Variants in NSL1 observed in about 807,000 individuals in gnomAD.
NSL1 encodes kinetochore-associated protein NSL1 homolog.
A neutral mutation model predicts 25.4 loss-of-function variants in NSL1; 11 were observed. The observed-to-expected ratio is 0.43, with a 90% CI of 0.27 to 0.72. The LOEUF (loss-of-function observed/expected upper bound fraction) is 0.72, where lower values mean the gene tolerates loss of function less well. NSL1 is among the 30% of genes least tolerant of loss of function. NSL1 has a pLI of 0.19. For synonymous variants in NSL1, 118 were observed against 120.6 expected (o/e 0.98, Z 0.14); for missense variants, 330 against 342.7 (o/e 0.96, Z 0.29).
chr1:212,784,350 C>A lies in NSL1; in HGVS notation c.444+13G>T. ...AAAATATACTATAACATTTTAAAGG[C>A]AAATCATCTTACCAGAATTTCTTGT... is the stretch of plus-strand genomic sequence containing the variant. On this transcript the variant is annotated intron_variant, in intron 3 of 5. Transcript: ENST00000366977. 4.5e-6 allele frequency: 7 copies of A among 1,548,134 alleles called. No homozygotes were observed. Among genetic ancestry groups the A allele is most frequent in the Non-Finnish European group, 6.2e-6 (7 of 1,137,688 alleles).
chr1:212,791,364 A>G (rs1272580940), intron 1 of NSL1, among the ~76,000 whole-genome samples, 166 bp downstream of exon 1: 3 of 152,250 alleles, frequency 2.0e-5, no homozygotes, highest in South Asian at 2.1e-4. Context: ...CCCAGCTGAC[A>G]TTAGCATCTA....
intron 4 of NSL1, among the ~76,000 whole-genome samples, chr1:212,768,816 A>T (rs890161912): frequency 6.6e-6 from 1 of 152,188 alleles, no homozygotes; most frequent in Non-Finnish European, 1.5e-5. Flanking sequence ...AGAAATCACC[A>T]CTAAATAGCT....
rs1418780000 is a variant in NSL1, at chr1:212,731,408, C to T, written c.*7000G>A. Reference sequence around the variant, plus strand: ...CCATCTCTAAAACAAATAAACTAGCCGGGCATGGTGGCACACGCCTGTTTT... The same window carrying T: ...CCATCTCTAAAACAAATAAACTAGCTGGGCATGGTGGCACACGCCTGTTTT... On this transcript the variant is annotated 3_prime_UTR_variant, in exon 6 of 6. Coordinates refer to ENST00000366977, the MANE Select transcript of NSL1 (RefSeq NM_015471.4). 1.0e-5 allele frequency: 10 copies of T among 984,736 alleles called. No homozygotes were observed. The highest frequency in any genetic ancestry group is 1.1e-4 in the East Asian group (1 of 8,816). 61.0% of individuals were successfully genotyped at this position (984,736 alleles called of 1,614,324 possible). A position where few individuals can be genotyped will look rare whatever the true frequency, so the allele number is the denominator to read the frequency against.
intron 1 of NSL1, 138 bp downstream of exon 1, chr1:212,791,392 G>A: frequency 2.6e-6 from 2 of 771,664 alleles, no homozygotes; most frequent in Non-Finnish European, 4.4e-6. Flanking sequence ...CTCCTCTAGC[G>A]TTTCTCGAAC....
intron 4 of NSL1, among the ~76,000 whole-genome samples, chr1:212,778,054 T>A (rs1238565401): frequency 1.3e-5 from 2 of 152,182 alleles, no homozygotes; most frequent in South Asian, 4.1e-4. Flanking sequence ...AATGTGAGAT[T>A]ATATTAAGAA....
At position 212,729,199 on chromosome 1, in the gene NSL1, G is replaced by C; in HGVS notation, c.*9209C>G. ...ATTCCACAGAAGTTTCCAAACCCAT[G>C]AGTTTCACTCTCAGGTTCCCTCTAG... is the stretch of plus-strand genomic sequence containing the variant. On this transcript the variant is annotated 3_prime_UTR_variant, in exon 6 of 6. Transcript: ENST00000366977. 4 of 985,422 alleles carry C rather than the reference G, an allele frequency of 4.1e-6. No individual in the cohort carries two copies. The highest frequency in any genetic ancestry group is 4.8e-6 in the Non-Finnish European group (4 of 829,926). 61.0% of individuals were successfully genotyped at this position (985,422 alleles called of 1,614,324 possible). A position where few individuals can be genotyped will look rare whatever the true frequency, so the allele number is the denominator to read the frequency against.
At position 212,784,349 on chromosome 1, in the gene NSL1, G is replaced by T; in HGVS notation, c.444+14C>A. ...TAAAATATACTATAACATTTTAAAG[G>T]CAAATCATCTTACCAGAATTTCTTG... is the stretch of plus-strand genomic sequence containing the variant. On this transcript the variant is annotated intron_variant, in intron 3 of 5. Transcript: ENST00000366977. The T allele has an allele frequency of 6.5e-7, 1 of 1,541,204 alleles. No individual in the cohort carries two copies. Among genetic ancestry groups the T allele is most frequent in the South Asian group, 1.2e-5 (1 of 80,964 alleles).
chr1:212,790,936 A>T (rs908657661), intron 1 of NSL1, among the ~76,000 whole-genome samples: 134 of 150,002 alleles, frequency 8.9e-4, no homozygotes, highest in African/African-American at 2.7e-3. Context: ...AAAAAAAAAT[A>T]AAATAAAATA....
intron 4 of NSL1, chr1:212,781,954 T>C (rs1410824664): frequency 7.2e-6 from 3 of 415,892 alleles, no homozygotes; most frequent in Non-Finnish European, 1.4e-5. Flanking sequence ...AAATTCAATA[T>C]ATTTTTATTT....
chr1:212,784,554 G>C, intron 2 of NSL1, 61 bp from the exon 3 acceptor site: 1 of 1,033,378 alleles, frequency 9.7e-7, no homozygotes, highest in Non-Finnish European at 1.4e-6. Context: ...TTTACATTCT[G>C]TATGGAAATG....
chr1:212,731,861 C>T lies in NSL1; in HGVS notation c.*6547G>A, dbSNP rs758405026. ...CTCACTATCCCTGCCACTCTGGCTG[C>T]TCCAGCTCCATGTCCTGGGACACCC... On this transcript the variant is annotated 3_prime_UTR_variant, in exon 6 of 6. Transcript: ENST00000366977. 1 of 985,300 alleles carries T rather than the reference C, an allele frequency of 1.0e-6. No homozygotes were observed. The highest frequency in any genetic ancestry group is 6.1e-5 in the Admixed American group (1 of 16,272). 61.0% of individuals were successfully genotyped at this position (985,300 alleles called of 1,614,324 possible). A position where few individuals can be genotyped will look rare whatever the true frequency, so the allele number is the denominator to read the frequency against.
chr1:212,786,095 CT>C (rs1208008468), intron 2 of NSL1, among the ~76,000 whole-genome samples: 16 of 145,248 alleles, frequency 1.1e-4, no homozygotes, highest in Middle Eastern at 3.5e-3. Flanking sequence ...TCCTTCTTTT[CT>C]TTCCTTTCCT....
chr1:212,791,280 TAGTTTA>T (rs1661240603), intron 1 of NSL1, among the ~76,000 whole-genome samples: 1 of 152,256 alleles, frequency 6.6e-6, no homozygotes, highest in Non-Finnish European at 1.5e-5. Flanking sequence ...TTCTTACTTT[TAGTTTA>T]AAACTACATA....
intron 4 of NSL1, among the ~76,000 whole-genome samples, chr1:212,743,079 A>T (rs1369423636): frequency 1.3e-5 from 2 of 152,246 alleles, no homozygotes; most frequent in African/African-American, 4.8e-5. Flanking sequence ...TTCCTTAGGA[A>T]AAAACAGGTA....
At chr1:212,764,948 T>C (rs1014695127) in intron 4 of NSL1, among the ~76,000 whole-genome samples, 13 of 147,176 alleles carry the variant, frequency 8.8e-5, no homozygotes, top group African/African-American at 3.2e-4. Context: ...TCAAGGCTAC[T>C]ATGAACACCT....
intron 4 of NSL1, among the ~76,000 whole-genome samples, chr1:212,763,625 G>A (rs1304574198): frequency 1.3e-5 from 2 of 152,188 alleles, no homozygotes; most frequent in African/African-American, 2.4e-5. Context: ...AAAGCGAGCA[G>A]TAGTTATTCT....
At position 212,731,037 on chromosome 1, in the gene NSL1, G is replaced by C. The variant is rs1657991573; in HGVS notation, c.*7371C>G. 1 of 985,228 alleles carries C rather than the reference G, an allele frequency of 1.0e-6. No homozygotes were observed. Among genetic ancestry groups the C allele is most frequent in the South Asian group, 4.7e-5 (1 of 21,286 alleles). The allele number at this position is 985,228 out of a possible 1,614,324, so 61.0% of individuals were successfully genotyped here. On this transcript the variant is annotated 3_prime_UTR_variant, in exon 6 of 6. Coordinates refer to ENST00000366977, the MANE Select transcript of NSL1 (RefSeq NM_015471.4). Reference sequence around the variant, plus strand: ...GAATTACAAGGGATTCTTTACCCCTGAAGCTTCAAATGAATATAACATTAA... The same window carrying C: ...GAATTACAAGGGATTCTTTACCCCTCAAGCTTCAAATGAATATAACATTAA...
intron 4 of NSL1, among the ~76,000 whole-genome samples, chr1:212,761,030 C>T (rs6670869): frequency 0.63 from 95,738 of 152,052 alleles, 30,662 homozygotes; most frequent in Non-Finnish European, 0.69. Context: ...TATACTATTG[C>T]ACACACCCGG....
chr1:212,739,673 A>G (rs1441948370), intron 4 of NSL1, 72 bp from the exon 5 acceptor site: 1 of 1,452,254 alleles, frequency 6.9e-7, no homozygotes, highest in Non-Finnish European at 9.5e-7. Context: ...TATAGATACT[A>G]TCTGAAAGGC....
Sources: gnomAD v4.1 joint callset for allele counts (sites outside exome capture counted in the v4.1 genomes callset) on GRCh38, gnomAD v4.1.1 for gene constraint, MANE v1.5 for transcripts, NCBI Gene and HGNC (gene_info 2026-07-23, HGNC 2026-07-21) for gene names.